TMEM108: variants seen among roughly 807,000 people sequenced by gnomAD.
TMEM108 encodes transmembrane protein 108.
TMEM108 carries 12 observed loss-of-function variants against 35.1 expected under a neutral mutation model. That is an observed-to-expected ratio of 0.34 (90% confidence interval 0.22 to 0.55). TMEM108 has a LOEUF of 0.55. TMEM108 is among the 20% of genes least tolerant of loss of function. TMEM108 has a pLI of 0.89. For missense variants in TMEM108, 680 were observed against 753.3 expected (o/e 0.90, Z 1.14); for synonymous variants, 287 against 308.6 (o/e 0.93, Z 0.73).
In TMEM108 at chr3:133,123,096, C is replaced by T. The variant is rs552688972; in HGVS notation, c.-47+77076C>T. On this transcript the variant is annotated intron_variant, in intron 2 of 5. Coordinates refer to ENST00000321871, the MANE Select transcript of TMEM108 (RefSeq NM_023943.4). ...ACATCTATGCTTACATGTGTATGTA[C>T]GGATACATATATGGATTCCATTGTG... Among the ~76,000 whole-genome samples, 302 of 152,228 alleles carry T rather than the reference C, an allele frequency of 2.0e-3. 1 individual carries two copies. The highest frequency in any genetic ancestry group is 6.6e-3 in the African/African-American group (276 of 41,548).
intron 2 of TMEM108, among the ~76,000 whole-genome samples, chr3:133,188,917 T>C (rs1445016452): frequency 6.6e-6 from 1 of 152,172 alleles, no homozygotes; most frequent in African/African-American, 2.4e-5. Flanking sequence ...ATTTCTCTGC[T>C]GAGTTCAGTG....
intron 2 of TMEM108, among the ~76,000 whole-genome samples, chr3:133,181,008 TAAAAAAAAAAAAA>T (rs369228472): frequency 1.1e-4 from 8 of 75,854 alleles, no homozygotes; most frequent in East Asian, 4.2e-4. Flanking sequence ...GCAGTTGTGT[TAAAAAAAAAAAAA>T]AAAAAAAAAA....
chr3:133,211,203 T>C (rs750282300), intron 2 of TMEM108, among the ~76,000 whole-genome samples: 2 of 152,180 alleles, frequency 1.3e-5, no homozygotes, highest in Non-Finnish European at 2.9e-5. Context: ...GGTTTAAATG[T>C]TCTTTTCACA....
intron 2 of TMEM108, among the ~76,000 whole-genome samples, chr3:133,198,268 A>G (rs890993822): frequency 1.3e-5 from 2 of 152,212 alleles, no homozygotes; most frequent in African/African-American, 4.8e-5. Context: ...ATGGCAAAAC[A>G]CACAACTCCT....
At chr3:133,155,589 C>G (rs1261947152) in intron 2 of TMEM108, among the ~76,000 whole-genome samples, 2 of 152,060 alleles carry the variant, frequency 1.3e-5, no homozygotes, top group Non-Finnish European at 2.9e-5. Flanking sequence ...TTTTGATTTG[C>G]ATTTCTCTAA....
intron 3 of TMEM108, among the ~76,000 whole-genome samples, chr3:133,260,287 TAAA>T (rs10575513): frequency 0.34 from 51,188 of 149,400 alleles, 8,890 homozygotes; most frequent in East Asian, 0.46. Context: ...TAGACAATAG[TAAA>T]AAAAAAAAAA....
intron 2 of TMEM108, among the ~76,000 whole-genome samples, chr3:133,071,463 G>T (rs1198924864): frequency 6.6e-6 from 1 of 152,100 alleles, no homozygotes; most frequent in Non-Finnish European, 1.5e-5. Context: ...TCTCTTTAAA[G>T]ACCCTATCTT....
At chr3:133,241,370 G>C (rs1380340202) in intron 3 of TMEM108, among the ~76,000 whole-genome samples, 1 of 152,140 alleles carries the variant, frequency 6.6e-6, no homozygotes, top group East Asian at 1.9e-4. Flanking sequence ...GCATCACCAA[G>C]CTTTCTCATC....
chr3:133,342,544 G>GTA lies in TMEM108; in HGVS notation c.41-37197_41-37196dup, dbSNP rs1553764021. Among the ~76,000 whole-genome samples the GTA allele has an allele frequency of 5.8e-4, 27 of 46,458 alleles. 9 individuals are homozygous for GTA. The highest frequency in any genetic ancestry group is 1.6e-3 in the African/African-American group (17 of 10,942). The allele number at this position is 46,458 out of a possible 152,430, so 30.5% of individuals were successfully genotyped here. On this transcript the variant is annotated intron_variant, in intron 3 of 5. Coordinates refer to ENST00000321871, the MANE Select transcript of TMEM108 (RefSeq NM_023943.4). The stretch of plus-strand genomic sequence containing the variant: ...TAAAAAAGTTAAAAAAGAAAATGTG[G>GTA]TATATATATATACACACACACACAC...
rs115236542 is a variant in TMEM108 at position 133,063,557 on chromosome 3, G to T, written c.-47+17537G>T. ...GAAAGGGTTTCAAGCATTGGGAATG[G>T]TGGGTGATAGGGTCAGGAAGAGGAA... On this transcript the variant is annotated intron_variant, in intron 2 of 5. Coordinates refer to ENST00000321871, the MANE Select transcript of TMEM108 (RefSeq NM_023943.4). Among the ~76,000 whole-genome samples, 870 of 152,252 alleles carry T rather than the reference G, an allele frequency of 5.7e-3. 9 individuals are homozygous for T. The highest frequency in any genetic ancestry group is 0.019 in the African/African-American group (806 of 41,542).
At chr3:133,301,519 T>G (rs941214852) in intron 3 of TMEM108, among the ~76,000 whole-genome samples, 1 of 152,174 alleles carries the variant, frequency 6.6e-6, no homozygotes, top group African/African-American at 2.4e-5. Context: ...GTTTCAGTAA[T>G]GAGAATAAAC....
At chr3:133,192,729 A>C (rs2107816093) in intron 2 of TMEM108, 1 of 152,470 alleles carries the variant, frequency 6.6e-6, no homozygotes, top group Middle Eastern at 3.4e-3. Context: ...CTGAGGTGGA[A>C]ATGAGCGGCT....
In TMEM108 at chr3:133,376,178, A is replaced by ATGTT. The variant is rs201792910; in HGVS notation, c.41-3573_41-3570dup. Among the ~76,000 whole-genome samples the ATGTT allele has an allele frequency of 4.8e-3, 733 of 152,270 alleles. 6 individuals carry two copies. The highest frequency in any genetic ancestry group is 0.017 in the African/African-American group (697 of 41,550). On this transcript the variant is annotated intron_variant, in intron 3 of 5. Coordinates refer to ENST00000321871, the MANE Select transcript of TMEM108 (RefSeq NM_023943.4). ...AGTCAAAGGCTTCCCAGCTAGGAGG[A>ATGTT]TGTTAGTTCCTGGAATGCCAGTGAT...
At chr3:133,283,166 A>C (rs1395679622) in intron 3 of TMEM108, among the ~76,000 whole-genome samples, 1 of 152,190 alleles carries the variant, frequency 6.6e-6, no homozygotes, top group Non-Finnish European at 1.5e-5. Context: ...AATATTTTTA[A>C]ATAGGATTTT....
chr3:133,392,090 A>T (rs1206539487), intron 5 of TMEM108, among the ~76,000 whole-genome samples: 1 of 148,620 alleles, frequency 6.7e-6, no homozygotes, highest in African/African-American at 2.5e-5. Context: ...TCCTTTCCCC[A>T]ACCTCTATTC....
intron 3 of TMEM108, among the ~76,000 whole-genome samples, chr3:133,236,665 C>G (rs1303296004): frequency 1.3e-5 from 2 of 152,092 alleles, no homozygotes; most frequent in Non-Finnish European, 2.9e-5. Flanking sequence ...TCTTTGGTGC[C>G]TTTTCAACTC....
chr3:133,311,396 G>C (rs2071127119), intron 3 of TMEM108, among the ~76,000 whole-genome samples: 1 of 152,116 alleles, frequency 6.6e-6, no homozygotes. Flanking sequence ...ATTTCTTGGA[G>C]GCTTTGTCCA....
chr3:133,164,230 C>A (rs1467101130), intron 2 of TMEM108, among the ~76,000 whole-genome samples: 1 of 152,160 alleles, frequency 6.6e-6, no homozygotes, highest in Non-Finnish European at 1.5e-5. Flanking sequence ...GCAGACAAGA[C>A]CAAGTGTCAA....
chr3:133,383,992 G>A (rs2073081357), intron 4 of TMEM108, among the ~76,000 whole-genome samples: 2 of 152,186 alleles, frequency 1.3e-5, no homozygotes, highest in African/African-American at 2.4e-5. Flanking sequence ...CAGTGAGAGG[G>A]CCATTAAGGT....
Sources: gnomAD v4.1 joint callset for allele counts (sites outside exome capture counted in the v4.1 genomes callset) on GRCh38, gnomAD v4.1.1 for gene constraint, MANE v1.5 for transcripts, NCBI Gene and HGNC (gene_info 2026-07-23, HGNC 2026-07-21) for gene names.